Variants in SLC39A11 observed in about 807,000 individuals in gnomAD.
SLC39A11 encodes the protein zinc transporter ZIP11.
A neutral mutation model predicts 36.1 loss-of-function variants in SLC39A11; 33 were observed. The ratio of observed to expected loss-of-function variants is 0.91; its 90% CI spans 0.69 to 1.22. The LOEUF is 1.22. Ranked by LOEUF, SLC39A11 falls within the 50% of genes most tolerant of loss-of-function variation. The pLI is 0.00. For synonymous variants in SLC39A11, 166 were observed against 170.3 expected, an observed-to-expected ratio of 0.97 and a Z score of 0.20; for missense variants, 432 against 430.3, an observed-to-expected ratio of 1.00 and a Z score of -0.03.
intron 6 of SLC39A11, among the ~76,000 whole-genome samples, chr17:72,806,214 G>A (rs546670628): frequency 1.2e-4 from 19 of 152,230 alleles, no homozygotes; most frequent in Admixed American, 2.6e-4. Context: ...CCCCTCAGCC[G>A]TTACTTTTCC....
At chr17:72,726,956 A>G (rs2073956477) in intron 7 of SLC39A11, among the ~76,000 whole-genome samples, 1 of 152,156 alleles carries the variant, frequency 6.6e-6, no homozygotes, top group Admixed American at 6.5e-5. Flanking sequence ...TATCTTGGGG[A>G]TGTGTTTTGT....
intron 4 of SLC39A11, among the ~76,000 whole-genome samples, chr17:72,967,593 G>A (rs1318620309): frequency 6.6e-6 from 1 of 152,072 alleles, no homozygotes; most frequent in East Asian, 1.9e-4. Context: ...TTCCCAAGCA[G>A]GAAAAATAAT....
At chr17:72,829,246 G>C (rs9901575) in intron 6 of SLC39A11, among the ~76,000 whole-genome samples, 2 of 151,624 alleles carry the variant, frequency 1.3e-5, no homozygotes, top group Non-Finnish European at 2.9e-5. Context: ...TACTCAGGAA[G>C]CTGAGGCAGC....
chr17:72,846,014 CTCTCTTTT>C (rs1231956467), intron 6 of SLC39A11, among the ~76,000 whole-genome samples: 1 of 96,246 alleles, frequency 1.0e-5, no homozygotes, highest in African/African-American at 3.9e-5. Flanking sequence ...CTCTCTCTCT[CTCTCTTTT>C]TTTTTTTTTT....
At chr17:72,981,385 T>G (rs2088287809) in intron 4 of SLC39A11, among the ~76,000 whole-genome samples, 1 of 152,140 alleles carries the variant, frequency 6.6e-6, no homozygotes, top group Non-Finnish European at 1.5e-5. Flanking sequence ...CGTAAATACA[T>G]CTTCTGATTT....
intron 7 of SLC39A11, among the ~76,000 whole-genome samples, chr17:72,733,661 T>C (rs1598491052): frequency 6.6e-6 from 1 of 152,172 alleles, no homozygotes; most frequent in Non-Finnish European, 1.5e-5. Context: ...CAATGGCTCA[T>C]CCAACAGGGT....
chr17:72,711,280 T>C (rs1225982591), intron 7 of SLC39A11, among the ~76,000 whole-genome samples: 2 of 152,164 alleles, frequency 1.3e-5, no homozygotes, highest in Non-Finnish European at 2.9e-5. Context: ...GGTGAGAACA[T>C]GTAACTAAGC....
intron 4 of SLC39A11, among the ~76,000 whole-genome samples, chr17:72,985,208 GA>G (rs1396162061): frequency 1.3e-5 from 2 of 152,158 alleles, no homozygotes; most frequent in African/African-American, 2.4e-5. Flanking sequence ...ATACAGGGGG[GA>G]AAGGACAGAA....
At chr17:72,701,402 T>C (rs1273498506) in intron 7 of SLC39A11, among the ~76,000 whole-genome samples, 1 of 152,040 alleles carries the variant, frequency 6.6e-6, no homozygotes, top group African/African-American at 2.4e-5. Flanking sequence ...CAGAAAGAGC[T>C]CTTTCAAGAG....
intron 7 of SLC39A11, among the ~76,000 whole-genome samples, chr17:72,719,534 G>C (rs2073562488): frequency 6.6e-6 from 1 of 152,180 alleles, no homozygotes; most frequent in African/African-American, 2.4e-5. Flanking sequence ...TCCTCAGCAG[G>C]CTGCCCTGGA....
At position 72,865,140 on chromosome 17, in the gene SLC39A11, C is replaced by T. The variant is rs11657706; in HGVS notation, c.431-15336G>A. On this transcript the variant is annotated intron_variant, in intron 5 of 9. Transcript: ENST00000255559. Reference sequence around the variant, plus strand: ...TCATTAATGATGAGAAACTAGAAACCGGAGCCTTAAACACCAAAACCAGTT... The same window carrying T: ...TCATTAATGATGAGAAACTAGAAACTGGAGCCTTAAACACCAAAACCAGTT... 4.8e-3 allele frequency among the ~76,000 whole-genome samples: 726 copies of T among 152,032 alleles called. 1 individual carries two copies. The highest frequency in any genetic ancestry group is 7.3e-3 in the Admixed American group (112 of 15,270).
At chr17:72,982,865 G>A (rs1982888) in intron 4 of SLC39A11, among the ~76,000 whole-genome samples, 46,308 of 152,064 alleles carry the variant, frequency 0.3, 7,684 homozygotes, top group East Asian at 0.63. Context: ...ATGAACAACT[G>A]ACTCAGGTTG....
chr17:72,975,674 C>T (rs1176569511), intron 4 of SLC39A11, among the ~76,000 whole-genome samples: 1 of 152,186 alleles, frequency 6.6e-6, no homozygotes, highest in African/African-American at 2.4e-5. Context: ...TTTGTTATAG[C>T]AGCCCAAATG....
chr17:72,929,882 T>C (rs999720846), intron 5 of SLC39A11, among the ~76,000 whole-genome samples: 7 of 151,660 alleles, frequency 4.6e-5, no homozygotes, highest in African/African-American at 1.7e-4. Flanking sequence ...TACTGAAGAG[T>C]TTCCTCCAGG....
At chr17:72,954,581 CA>C (rs2086113660) in intron 4 of SLC39A11, among the ~76,000 whole-genome samples, 2 of 152,234 alleles carry the variant, frequency 1.3e-5, no homozygotes, top group Admixed American at 1.3e-4. Context: ...CACTTAACCC[CA>C]GACACACAAG....
intron 5 of SLC39A11, among the ~76,000 whole-genome samples, chr17:72,888,392 G>A (rs193292630): frequency 5.3e-5 from 8 of 152,240 alleles, no homozygotes. Context: ...CCACTCAAAA[G>A]AGCCTAAACA....
intron 7 of SLC39A11, among the ~76,000 whole-genome samples, chr17:72,653,721 G>C (rs1238279743): frequency 2.0e-5 from 3 of 152,162 alleles, no homozygotes; most frequent in Non-Finnish European, 1.5e-5. Context: ...TTACAGGTGT[G>C]AGTCACCTCA....
intron 7 of SLC39A11, among the ~76,000 whole-genome samples, chr17:72,720,956 C>G (rs2073637369): frequency 6.6e-6 from 1 of 152,110 alleles, no homozygotes; most frequent in Admixed American, 6.5e-5. Context: ...GACCCACCCA[C>G]TCCCCCAGGC....
At chr17:72,740,691 C>T (rs2144094904) in intron 6 of SLC39A11, among the ~76,000 whole-genome samples, 1 of 152,326 alleles carries the variant, frequency 6.6e-6, no homozygotes. Flanking sequence ...AGAGAGATCA[C>T]TTTTTACGGG....
Sources: allele counts gnomAD v4.1 joint callset (sites outside exome capture counted in the v4.1 genomes callset), GRCh38; gene constraint gnomAD v4.1.1; transcripts MANE v1.5; gene names NCBI Gene and HGNC (gene_info 2026-07-23, HGNC 2026-07-21).